LRRIQ3: variants seen among roughly 807,000 people sequenced by gnomAD.
LRRIQ3 encodes the protein leucine-rich repeat and IQ domain-containing protein 3.
LRRIQ3 carries 75 observed loss-of-function variants against 59.3 expected under a neutral mutation model. That is an observed-to-expected ratio of 1.26 (90% CI 1.05 to 1.53). The LOEUF is 1.53. LRRIQ3 is among the 40% of genes most tolerant of loss of function. The pLI is 0.00. For synonymous variants in LRRIQ3, 250 were observed against 231.3 expected, an observed-to-expected ratio of 1.08 and a Z score of -0.73; for missense variants, 831 against 710.0, an observed-to-expected ratio of 1.17 and a Z score of -1.94.
intron 4 of LRRIQ3, among the ~76,000 whole-genome samples, chr1:74,149,405 T>G (rs193154662): frequency 2.6e-4 from 40 of 152,294 alleles, no homozygotes; most frequent in Admixed American, 9.2e-4. Flanking sequence ...GCTTGAAAAT[T>G]GTGTTTCTTC....
At chr1:74,074,466 C>T (rs1267599283) in intron 6 of LRRIQ3, among the ~76,000 whole-genome samples, 195 bp downstream of exon 6, 2 of 152,018 alleles carry the variant, frequency 1.3e-5, no homozygotes, top group Non-Finnish European at 2.9e-5. Context: ...GCTTTTTATA[C>T]ACGGATTACA....
intron 3 of LRRIQ3, among the ~76,000 whole-genome samples, chr1:74,164,462 T>C (rs994233048): frequency 3.3e-5 from 5 of 151,448 alleles, no homozygotes; most frequent in African/African-American, 1.2e-4. Context: ...AAATCAACTT[T>C]GCTGATGCCT....
At chr1:74,196,962 A>G (rs1021126724) in intron 1 of LRRIQ3, among the ~76,000 whole-genome samples, 1 of 152,176 alleles carries the variant, frequency 6.6e-6, no homozygotes, top group African/African-American at 2.4e-5. Context: ...TTCCCTCAAG[A>G]GTAAAAACCA....
At chr1:74,061,365 A>G (rs1444548699) in intron 6 of LRRIQ3, among the ~76,000 whole-genome samples, 1 of 152,180 alleles carries the variant, frequency 6.6e-6, no homozygotes. Flanking sequence ...AAATGGTCAT[A>G]TTGGCCAAAG....
chr1:74,055,506 T>C (rs1654506936), intron 6 of LRRIQ3, among the ~76,000 whole-genome samples: 1 of 152,176 alleles, frequency 6.6e-6, no homozygotes, highest in African/African-American at 2.4e-5. Flanking sequence ...ATCATCCATG[T>C]TGTAACATTT....
intron 5 of LRRIQ3, among the ~76,000 whole-genome samples, chr1:74,090,394 A>G (rs1244781636): frequency 6.6e-6 from 1 of 152,072 alleles, no homozygotes; most frequent in African/African-American, 2.4e-5. Flanking sequence ...ACTTAAAAAT[A>G]AATTATAAAA....
intron 6 of LRRIQ3, among the ~76,000 whole-genome samples, chr1:74,069,867 A>C (rs889954130): frequency 2.0e-5 from 3 of 152,044 alleles, no homozygotes; most frequent in Non-Finnish European, 2.9e-5. Context: ...AGGGCTGATA[A>C]AAATATTTAT....
In LRRIQ3 at chr1:74,033,863, T is replaced by C. The variant is rs563367686; in HGVS notation, c.1719-6894A>G. On this transcript the variant is annotated intron_variant, in intron 7 of 7. Coordinates refer to ENST00000354431, the MANE Select transcript of LRRIQ3 (RefSeq NM_001105659.2). Reference sequence around the variant, plus strand: ...TTTCTAGCTCTTCCATGCTAAGTGATACCCTACTTCAAAATGGACACCCTG... The same window carrying C: ...TTTCTAGCTCTTCCATGCTAAGTGACACCCTACTTCAAAATGGACACCCTG... Among the ~76,000 whole-genome samples the C allele has an allele frequency of 7.2e-5, 11 of 152,120 alleles. No homozygotes were observed. In the South Asian group the frequency reaches 2.3e-3, roughly 32 times the overall value.
chr1:74,108,215 T>C (rs1407795200), intron 5 of LRRIQ3, among the ~76,000 whole-genome samples: 1 of 151,780 alleles, frequency 6.6e-6, no homozygotes, highest in Non-Finnish European at 1.5e-5. Context: ...TCTCTAATCA[T>C]ACTCCGAAAT....
chr1:74,161,820 T>G (rs1271646775), intron 3 of LRRIQ3, among the ~76,000 whole-genome samples: 11 of 151,920 alleles, frequency 7.2e-5, no homozygotes, highest in African/African-American at 9.7e-5. Flanking sequence ...TTAAGCTTTC[T>G]GATGTCATAA....
intron 6 of LRRIQ3, among the ~76,000 whole-genome samples, chr1:74,056,608 C>A (rs1405955646): frequency 1.3e-5 from 2 of 151,796 alleles, no homozygotes; most frequent in East Asian, 3.9e-4. Context: ...GAATGCAATC[C>A]CATTTACAAT....
At chr1:74,092,246 A>G (rs1414093386) in intron 5 of LRRIQ3, among the ~76,000 whole-genome samples, 1 of 152,130 alleles carries the variant, frequency 6.6e-6, no homozygotes, top group Non-Finnish European at 1.5e-5. Flanking sequence ...ACTGAGTGAA[A>G]TAGTTCCATA....
intron 7 of LRRIQ3, among the ~76,000 whole-genome samples, chr1:74,039,631 T>C (rs1653981644): frequency 6.6e-6 from 1 of 152,162 alleles, no homozygotes; most frequent in African/African-American, 2.4e-5. Context: ...GGACCAATAT[T>C]CATCATTCTT....
chr1:74,148,794 C>A (rs1188123723), intron 4 of LRRIQ3, among the ~76,000 whole-genome samples: 1 of 152,066 alleles, frequency 6.6e-6, no homozygotes, highest in Admixed American at 6.5e-5. Context: ...CACCAGGGAA[C>A]AAAAGCCATG....
intron 4 of LRRIQ3, among the ~76,000 whole-genome samples, chr1:74,126,090 T>G (rs1027650631): frequency 6.6e-6 from 1 of 151,844 alleles, no homozygotes; most frequent in African/African-American, 2.4e-5. Context: ...GTAAGTTGTA[T>G]GTGTATAAGG....
intron 6 of LRRIQ3, among the ~76,000 whole-genome samples, chr1:74,063,027 T>C (rs1654767200): frequency 6.6e-6 from 1 of 151,078 alleles, no homozygotes; most frequent in African/African-American, 2.4e-5. Context: ...ATAAAATAGA[T>C]ACTCAAGTAG....
chr1:74,084,058 T>G (rs577026073), intron 5 of LRRIQ3: 1 of 890,088 alleles, frequency 1.1e-6, no homozygotes, highest in Non-Finnish European at 1.6e-6. Context: ...TTTACACTTA[T>G]CTTGTGTGTA....
At chr1:74,040,153 C>G (rs577666179) in intron 7 of LRRIQ3, among the ~76,000 whole-genome samples, 1 of 152,202 alleles carries the variant, frequency 6.6e-6, no homozygotes, top group East Asian at 1.9e-4. Context: ...TAGTCTCTGA[C>G]AAAACAGACT....
rs190607062 is a variant in LRRIQ3 at position 74,092,952 on chromosome 1, C to T, written c.867+16442G>A. ...CAGAAAGTTCACCTATGGTCACTAT[C>T]GTTAATTTGGAAGAGAGGAAAATGA... On this transcript the variant is annotated intron_variant, in intron 5 of 7. Transcript: ENST00000354431. 8.5e-5 allele frequency among the ~76,000 whole-genome samples: 13 copies of T among 152,070 alleles called. No homozygotes were observed. The East Asian group carries it at 1.4e-3, about 16-fold the overall frequency.
Sources: allele counts gnomAD v4.1 joint callset (sites outside exome capture counted in the v4.1 genomes callset), GRCh38; gene constraint gnomAD v4.1.1; transcripts MANE v1.5; gene names NCBI Gene and HGNC (gene_info 2026-07-23, HGNC 2026-07-21).